The following PRH1 variants were observed in gnomAD, a reference collection of about 807,000 sequenced individuals.
PRH1 encodes salivary acidic proline-rich phosphoprotein 1/2.
In PRH1, 7 loss-of-function variants were observed where a neutral mutation model predicts 7.9. The observed-to-expected ratio is 0.89, with a 90% CI of 0.50 to 1.67. The LOEUF (loss-of-function observed/expected upper bound fraction) is 1.67. Ranked by LOEUF, PRH1 falls within the 40% of genes most tolerant of loss-of-function variation. PRH1 has a pLI of 0.00. For missense variants in PRH1, 109 were observed against 223.6 expected (o/e 0.49, Z 3.27); for synonymous variants, 45 against 80.8 (o/e 0.56, Z 2.38).
Position 10,976,956 on chromosome 12 carries a change from A to G in PRH1, c.-125-3235T>C, listed in dbSNP as rs535032088. On this transcript the variant is annotated intron_variant, in intron 1 of 3. Transcript: ENST00000539853. ...CCAACCAAAAAAAGCCCAGGACCAGACAGATTCACAGCTGAATTCTATCAA... is the reference window on the plus strand; with the variant it reads ...CCAACCAAAAAAAGCCCAGGACCAGGCAGATTCACAGCTGAATTCTATCAA... Among the ~76,000 whole-genome samples the G allele has an allele frequency of 2.8e-3, 428 of 152,294 alleles. 1 individual carries two copies. The highest frequency in any genetic ancestry group is 4.4e-3 in the Non-Finnish European group (300 of 68,008).
intron 1 of PRH1, among the ~76,000 whole-genome samples, chr12:11,151,227 C>A (rs117991074): frequency 6.6e-6 from 1 of 151,798 alleles, no homozygotes; most frequent in African/African-American, 2.4e-5. Flanking sequence ...CAAATGCACA[C>A]GAAGTTGCAG....
At chr12:11,171,145 G>A (rs1465446861) in intron 1 of PRH1, 4 of 394,282 alleles carry the variant, frequency 1.0e-5, no homozygotes, top group Non-Finnish European at 1.8e-5. Context: ...AATGGTAAAT[G>A]CCACAGTGAG....
intron 1 of PRH1, among the ~76,000 whole-genome samples, chr12:11,128,387 T>G (rs1323362617): frequency 6.6e-6 from 1 of 152,028 alleles, no homozygotes; most frequent in African/African-American, 2.4e-5. Flanking sequence ...CAGGAAATCA[T>G]ATTCCCTGCT....
chr12:10,916,208 GAAC>G (rs1213990161), intron 2 of PRH1, among the ~76,000 whole-genome samples: 3 of 152,072 alleles, frequency 2.0e-5, no homozygotes, highest in East Asian at 3.9e-4. Flanking sequence ...ATTATCATAA[GAAC>G]AACATGGGAA....
At chr12:10,946,211 C>T (rs991492024) in intron 2 of PRH1, among the ~76,000 whole-genome samples, 1 of 152,166 alleles carries the variant, frequency 6.6e-6, no homozygotes. Context: ...GAAATCTTCA[C>T]AATTTATGTT....
intron 2 of PRH1, chr12:10,909,133 T>A: frequency 1.2e-6 from 2 of 1,613,956 alleles, no homozygotes; most frequent in Non-Finnish European, 1.7e-6. Flanking sequence ...ATCAGCCCAA[T>A]TCTGGAGATT....
intron 1 of PRH1, among the ~76,000 whole-genome samples, chr12:11,012,580 T>C (rs1941114106): frequency 6.6e-6 from 1 of 152,140 alleles, no homozygotes. Flanking sequence ...CCTTTTTTGT[T>C]TTGAGAAAGG....
At chr12:11,050,614 T>C (rs1271648262), upstream of PRH1, among the ~76,000 whole-genome samples, 1 of 152,270 alleles carries the variant, frequency 6.6e-6, no homozygotes. Context: ...TATTCTCAAG[T>C]CTGTTTTTTG....
chr12:10,938,988 C>T (rs1479161377), intron 2 of PRH1: 2 of 1,613,038 alleles, frequency 1.2e-6, no homozygotes, highest in Admixed American at 3.3e-5. Context: ...GCAAATAAAG[C>T]TGGGAAAAAC....
chr12:10,924,031 T>C (rs1950090260), intron 2 of PRH1, among the ~76,000 whole-genome samples: 1 of 128,328 alleles, frequency 7.8e-6, no homozygotes, highest in Non-Finnish European at 1.6e-5. Flanking sequence ...AGTCTCGCTC[T>C]GTCGCCCAGG....
upstream of PRH1, among the ~76,000 whole-genome samples, chr12:10,887,872 A>G (rs188307651): frequency 2.6e-5 from 4 of 152,334 alleles, no homozygotes; most frequent in East Asian, 7.7e-4. Flanking sequence ...CAAATTGTTC[A>G]TTAGCCATGA....
rs189891955 is a variant in PRH1 at position 11,131,038 on chromosome 12, C to G, written n.40-9858G>C. 2.1e-5 allele frequency among the ~76,000 whole-genome samples: 3 copies of G among 140,690 alleles called. No homozygotes were observed. The East Asian group carries it at 6.4e-4, about 30-fold the overall frequency. The allele number at this position is 140,690 out of a possible 152,430, so 92.3% of individuals were successfully genotyped here. On this transcript the variant is annotated intron_variant and non_coding_transcript_variant, in intron 1 of 1. Transcript: ENST00000541175. ...TCCATTTGGGACTTGAATGCATCAC[C>G]ACACTGTGGGCATGAGGTCTGACTT...
At chr12:10,963,003 C>T (rs373658466) in intron 2 of PRH1, among the ~76,000 whole-genome samples, 2 of 152,324 alleles carry the variant, frequency 1.3e-5, no homozygotes, top group African/African-American at 4.8e-5. Context: ...ATCTCCTGAC[C>T]TCGTGATCCG....
chr12:10,891,428 C>T (rs1949572061), intron 2 of PRH1: 2 of 152,220 alleles, frequency 1.3e-5, no homozygotes, highest in South Asian at 4.1e-4. Flanking sequence ...CAATTTTCAA[C>T]CACTTCCCAA....
chr12:10,921,565 T>A (rs150902572), intron 2 of PRH1, among the ~76,000 whole-genome samples: 30 of 152,330 alleles, frequency 2.0e-4, no homozygotes, highest in African/African-American at 6.5e-4. Context: ...AATTTCCTAA[T>A]CTTTAAAAGA....
At chr12:10,986,033 T>G (rs772223647) in intron 1 of PRH1, 1 of 1,614,008 alleles carries the variant, frequency 6.2e-7, no homozygotes, top group Non-Finnish European at 8.5e-7. Flanking sequence ...TTAGGATGAA[T>G]GAGTCGAATG....
chr12:10,960,393 G>A (rs1184524534), intron 2 of PRH1, among the ~76,000 whole-genome samples: 1 of 152,242 alleles, frequency 6.6e-6, no homozygotes, highest in African/African-American at 2.4e-5. Flanking sequence ...TGGATTATCA[G>A]ATGAATGCAC....
In PRH1 at chr12:11,082,524, TG is replaced by T. The variant is rs1944530297; in HGVS notation, n.124-35337del. On this transcript the variant is annotated intron_variant and non_coding_transcript_variant, in intron 1 of 4. Coordinates refer to the PRH1 transcript ENST00000541977. ...TTTCATCATGTTGGCCAGGCTGGTC[TG>T]GAACTCTTGACCTCAGGTGATCGGC... is the stretch of plus-strand genomic sequence containing the variant. 1.8e-5 allele frequency among the ~76,000 whole-genome samples: 2 copies of T among 114,074 alleles called. 1 individual carries two copies. Among genetic ancestry groups the T allele is most frequent in the African/African-American group, 5.9e-5 (2 of 33,898 alleles). The allele number at this position is 114,074 out of a possible 152,430, so 74.8% of individuals were successfully genotyped here. A position where few individuals can be genotyped will look rare whatever the true frequency, so the allele number is the denominator to read the frequency against.
intron 2 of PRH1, chr12:10,938,583 G>A (rs779911373): frequency 9.3e-6 from 15 of 1,613,800 alleles, no homozygotes; most frequent in Middle Eastern, 1.6e-4. Flanking sequence ...ATCTTCTTGC[G>A]ATGTTTCCAC....
Sources: gnomAD v4.1 joint callset for allele counts (sites outside exome capture counted in the v4.1 genomes callset) on GRCh38, gnomAD v4.1.1 for gene constraint, MANE v1.5 for transcripts, NCBI Gene and HGNC (gene_info 2026-07-23, HGNC 2026-07-21) for gene names.